The following PTPN13 variants were observed in gnomAD, a reference collection of about 807,000 sequenced individuals.
PTPN13 encodes tyrosine-protein phosphatase non-receptor type 13.
A neutral mutation model predicts 284.0 loss-of-function variants in PTPN13; 191 were observed. That is an observed-to-expected ratio of 0.67 (90% CI 0.60 to 0.76). PTPN13 has a LOEUF of 0.76. Among genes scored for constraint, PTPN13 ranks in the 30% least tolerant of loss-of-function variants. PTPN13 has a pLI of 0.00. For synonymous variants in PTPN13, 986 were observed against 1,022.3 expected (o/e 0.96, Z 0.68); for missense variants, 2,797 against 2,939.9 (o/e 0.95, Z 1.12).
chr4:86,765,439 A>G lies in PTPN13; in HGVS notation c.4194A>G (p.Lys1398=). Residue 1398 remains lysine, a synonymous_variant, in exon 26 of 48, where the codon AAA becomes AAG. Transcript: ENST00000411767. Reference sequence around the variant, plus strand: ...TCAGACATGGTGGCATTTATGTGAAAGCTGTTATTCCCCAGGGAGCAGCAG... The same window carrying G: ...TCAGACATGGTGGCATTTATGTGAAGGCTGTTATTCCCCAGGGAGCAGCAG... ...TSVRHGGIYV[K]AVIPQGAAES... 1 of 1,603,274 alleles carries G rather than the reference A, an allele frequency of 6.2e-7. No homozygotes were observed. Among genetic ancestry groups the G allele is most frequent in the African/African-American group, 1.3e-5 (1 of 74,866 alleles).
chr4:86,803,276 A>T (rs1744252453), intron 42 of PTPN13, among the ~76,000 whole-genome samples: 1 of 150,846 alleles, frequency 6.6e-6, no homozygotes, highest in Non-Finnish European at 1.5e-5. Context: ...ATATAAATAT[A>T]TAAAATAAAT....
chr4:86,736,827 T>C (rs527587604), intron 15 of PTPN13, among the ~76,000 whole-genome samples: 2 of 152,332 alleles, frequency 1.3e-5, no homozygotes, highest in South Asian at 4.1e-4. Flanking sequence ...TCCTTGTAAA[T>C]AGCATGCCTA....
At position 86,734,392 on chromosome 4, in the gene PTPN13, G is replaced by A; in HGVS notation, c.1948G>A (p.Ala650Thr). 6.4e-7 allele frequency: 1 copy of A among 1,561,120 alleles called. No individual in the cohort carries two copies. Among genetic ancestry groups the A allele is most frequent in the South Asian group, 1.2e-5 (1 of 84,612 alleles). Residue 650 changes from alanine (A) to threonine (T), a missense_variant, in exon 13 of 48, where the codon GCC (alanine) becomes ACC (threonine). Ala to Thr is a moderately conservative substitution (Grantham distance 58, BLOSUM62 0). Transcript: ENST00000411767. Reference protein sequence around the residue: ...WKEEPKKKTKATVNFTLFFRI... With the variant: ...WKEEPKKKTKTTVNFTLFFRI... Reference sequence around the variant, plus strand: ...AGAAGAACCAAAGAAAAAGACCAAAGCCACTGTTAATTTTACTTTGTTTTT... The same window carrying A: ...AGAAGAACCAAAGAAAAAGACCAAAACCACTGTTAATTTTACTTTGTTTTT...
Position 86,701,558 on chromosome 4 carries a change from A to T in PTPN13, c.952A>T (p.Thr318Ser). Residue 318 changes from threonine (T) to serine (S), a missense_variant, in exon 7 of 48, where the codon ACT becomes TCT. Thr to Ser is a moderately conservative substitution (Grantham distance 58). Transcript: ENST00000411767. ...TGACAGAGACTTCTCTTCAGGAGAG[A>T]CTGCCACATATCGTCGTTGTCACCC... Reference protein sequence around the residue: ...TADRDFSSGETATYRRCHPEA... With the variant: ...TADRDFSSGESATYRRCHPEA... 6.2e-7 allele frequency: 1 copy of T among 1,613,910 alleles called. No individual in the cohort carries two copies. The highest frequency in any genetic ancestry group is 1.1e-5 in the South Asian group (1 of 91,072).
Position 86,775,664 on chromosome 4 carries a change from T to C in PTPN13, c.5891+12T>C, listed in dbSNP as rs1488185781. 1.9e-6 allele frequency: 3 copies of C among 1,597,918 alleles called. No homozygotes were observed. The highest frequency in any genetic ancestry group is 1.7e-5 in the Admixed American group (1 of 58,790). Reference sequence around the variant, plus strand: ...TTGAAAGCAACAAGGTACTCTGCAATTATTTATGAGTTTTGATTGTGCGTG... The same window carrying C: ...TTGAAAGCAACAAGGTACTCTGCAACTATTTATGAGTTTTGATTGTGCGTG... On this transcript the variant is annotated intron_variant, in intron 35 of 47. Transcript: ENST00000411767.
rs7694723 is a variant in PTPN13 at position 86,594,679 on chromosome 4, T to C, written c.-116T>C. 6.6e-6 allele frequency: 1 copy of C among 151,940 alleles called. No individual in the cohort carries two copies. Among genetic ancestry groups the C allele is most frequent in the Non-Finnish European group, 1.5e-5 (1 of 68,068 alleles). 9.4% of individuals were successfully genotyped at this position (151,940 alleles called of 1,614,324 possible). A position where few individuals can be genotyped will look rare whatever the true frequency, so the allele number is the denominator to read the frequency against. On this transcript the variant is annotated 5_prime_UTR_variant, in exon 1 of 48. Transcript: ENST00000411767. The stretch of plus-strand genomic sequence containing the variant: ...CGCCCGCAGCCGCTTGTGGGAGAAG[T>C]GGTGGTGGCTCTCGGCGCCCGCGGC...
intron 2 of PTPN13, among the ~76,000 whole-genome samples, chr4:86,655,070 C>CT (rs1246985021): frequency 1.3e-5 from 2 of 151,986 alleles, no homozygotes; most frequent in African/African-American, 2.4e-5. Context: ...CAACCCCTGC[C>CT]TTTTTTTGTT....
At position 86,757,499 on chromosome 4, in the gene PTPN13, G is replaced by A. The variant is rs539753404; in HGVS notation, c.3224-761G>A. 2.9e-4 allele frequency among the ~76,000 whole-genome samples: 44 copies of A among 152,212 alleles called. No individual in the cohort carries two copies. The South Asian group carries it at 8.7e-3, about 30-fold the overall frequency. On this transcript the variant is annotated intron_variant, in intron 20 of 47. Coordinates refer to ENST00000411767, the MANE Select transcript of PTPN13 (RefSeq NM_080683.3). ...TAGATCCAGTTTCTGACCAGGTACC[G>A]TGGCTCACACCTGAAATTCCAGCTC...
At chr4:86,672,566 T>A (rs747245686) in intron 3 of PTPN13, 23 bp downstream of exon 3, 5 of 1,557,162 alleles carry the variant, frequency 3.2e-6, no homozygotes, top group Non-Finnish European at 4.4e-6. Context: ...TTTTTTTGTT[T>A]GTTTTTTTAT....
intron 1 of PTPN13, among the ~76,000 whole-genome samples, chr4:86,610,175 C>T (rs1765140989): frequency 6.6e-6 from 1 of 152,004 alleles, no homozygotes; most frequent in Non-Finnish European, 1.5e-5. Context: ...GATCACACCA[C>T]TGCACTCCAG....
At chr4:86,650,454 G>A (rs183583721) in intron 2 of PTPN13, among the ~76,000 whole-genome samples, 1 of 152,136 alleles carries the variant, frequency 6.6e-6, no homozygotes, top group East Asian at 1.9e-4. Context: ...TGGGACTACA[G>A]ACATGTGTCA....
At chr4:86,658,083 G>A (rs1219859707) in intron 2 of PTPN13, among the ~76,000 whole-genome samples, 1 of 152,216 alleles carries the variant, frequency 6.6e-6, no homozygotes, top group Non-Finnish European at 1.5e-5. Flanking sequence ...GGCCACTTTA[G>A]TCAGCTGGTG....
At chr4:86,766,028 A>G (rs1330570224) in intron 26 of PTPN13, among the ~76,000 whole-genome samples, 1 of 152,050 alleles carries the variant, frequency 6.6e-6, no homozygotes, top group Non-Finnish European at 1.5e-5. Flanking sequence ...GGTTTTCACC[A>G]TGTTGGCCAG....
chr4:86,810,083 G>T, intron 46 of PTPN13, 99 bp downstream of exon 46: 2 of 875,446 alleles, frequency 2.3e-6, no homozygotes, highest in Non-Finnish European at 1.7e-6. Context: ...TTTAACTTAT[G>T]AGTTTATATG....
intron 42 of PTPN13, 28 bp from the exon 43 acceptor site, chr4:86,803,681 T>A: frequency 6.2e-7 from 1 of 1,609,692 alleles, no homozygotes; most frequent in Admixed American, 1.7e-5. Flanking sequence ...CTGGAGGAAC[T>A]GTTTTTAAAT....
Position 86,815,148 on chromosome 4 carries a change from T to C in PTPN13, c.*597T>C, listed in dbSNP as rs1745641519. Reference sequence around the variant, plus strand: ...GTAAATAAAAACACACCTTAAAACATGAACAAGCCAAAACTGTGTGCAGAC... The same window carrying C: ...GTAAATAAAAACACACCTTAAAACACGAACAAGCCAAAACTGTGTGCAGAC... On this transcript the variant is annotated 3_prime_UTR_variant, in exon 48 of 48. Transcript: ENST00000411767. 1 of 152,562 alleles carries C rather than the reference T, an allele frequency of 6.6e-6. No individual in the cohort carries two copies. Among genetic ancestry groups the C allele is most frequent in the African/African-American group, 2.4e-5 (1 of 41,452 alleles). 9.5% of individuals were successfully genotyped at this position (152,562 alleles called of 1,614,324 possible). A position where few individuals can be genotyped will look rare whatever the true frequency, so the allele number is the denominator to read the frequency against.
intron 1 of PTPN13, among the ~76,000 whole-genome samples, chr4:86,615,468 C>G (rs943779605): frequency 6.6e-6 from 1 of 151,914 alleles, no homozygotes; most frequent in Non-Finnish European, 1.5e-5. Flanking sequence ...GTCTGTCAAC[C>G]CTGAAAGTTA....
At chr4:86,760,049 G>C (rs1458684500) in intron 23 of PTPN13, among the ~76,000 whole-genome samples, 2 of 152,090 alleles carry the variant, frequency 1.3e-5, no homozygotes, top group Non-Finnish European at 2.9e-5. Context: ...CATGTTATAT[G>C]TTGTGATAAA....
rs1006583883 is a variant in PTPN13 at position 86,814,810 on chromosome 4, A to G, written c.*259A>G. On this transcript the variant is annotated 3_prime_UTR_variant, in exon 48 of 48. Coordinates refer to ENST00000411767, the MANE Select transcript of PTPN13 (RefSeq NM_080683.3). Reference sequence around the variant, plus strand: ...GATCTTAGGGATGATTAAAGGCAGCATTTGATGATAGCAGACATTGTTACA... The same window carrying G: ...GATCTTAGGGATGATTAAAGGCAGCGTTTGATGATAGCAGACATTGTTACA... The G allele has an allele frequency of 9.2e-6, 3 of 326,776 alleles. No homozygotes were observed. The highest frequency in any genetic ancestry group is 6.3e-5 in the African/African-American group (3 of 47,520). The allele number at this position is 326,776 out of a possible 1,614,324, so 20.2% of individuals were successfully genotyped here.
Sources: gnomAD v4.1 joint callset for allele counts (sites outside exome capture counted in the v4.1 genomes callset) on GRCh38, gnomAD v4.1.1 for gene constraint, MANE v1.5 for transcripts, NCBI Gene and HGNC (gene_info 2026-07-23, HGNC 2026-07-21) for gene names.